KCNH5: variants seen among roughly 807,000 people sequenced by gnomAD.
KCNH5 encodes the protein potassium voltage-gated channel subfamily H member 5.
KCNH5 carries 46 observed loss-of-function variants against 96.1 expected under a neutral mutation model. That is an observed-to-expected ratio of 0.48 (90% confidence interval 0.38 to 0.61). KCNH5 has a LOEUF of 0.61. Among genes scored for constraint, KCNH5 ranks in the 20% least tolerant of loss-of-function variants. The pLI, the probability that KCNH5 is intolerant of heterozygous loss-of-function variation, is 0.00. For missense variants in KCNH5, 907 were observed against 1,225.8 expected, an observed-to-expected ratio of 0.74 and a Z score of 3.88; for synonymous variants, 439 against 449.8, an observed-to-expected ratio of 0.98 and a Z score of 0.30.
chr14:62,846,655 A>C (rs1197939703), intron 8 of KCNH5, among the ~76,000 whole-genome samples: 1 of 151,626 alleles, frequency 6.6e-6, no homozygotes, highest in Non-Finnish European at 1.5e-5. Context: ...TTCATTCTTT[A>C]ACTTATATTC....
intron 9 of KCNH5, among the ~76,000 whole-genome samples, chr14:62,782,213 G>A (rs1307617598): frequency 1.3e-5 from 2 of 152,148 alleles, no homozygotes; most frequent in South Asian, 2.1e-4. Flanking sequence ...GAGGTTGAGT[G>A]AGTGAGATTA....
chr14:62,745,573 G>C (rs1036875287), intron 10 of KCNH5, among the ~76,000 whole-genome samples: 18 of 152,094 alleles, frequency 1.2e-4, no homozygotes, highest in Non-Finnish European at 2.9e-5. Flanking sequence ...TAAGGACTTT[G>C]GTCAGAAGCC....
At position 62,985,283 on chromosome 14, in the gene KCNH5, T is replaced by C. The variant is rs35993154; in HGVS notation, c.549+1789A>G. Among the ~76,000 whole-genome samples the C allele has an allele frequency of 1.8e-3, 275 of 152,278 alleles. 1 individual carries two copies. Among genetic ancestry groups the C allele is most frequent in the African/African-American group, 6.5e-3 (269 of 41,562 alleles). On this transcript the variant is annotated intron_variant, in intron 5 of 10. Transcript: ENST00000322893. ...TCAAAGGATTCATCTTTCCCCAAGC[T>C]AACAGTGCTATTTAGAGCAGAAAAC...
chr14:62,730,405 T>C (rs918868110), intron 10 of KCNH5, among the ~76,000 whole-genome samples: 1 of 152,220 alleles, frequency 6.6e-6, no homozygotes, highest in Non-Finnish European at 1.5e-5. Context: ...ATTATTATCC[T>C]ACCTCCTTGG....
chr14:62,812,616 A>C (rs1246257327), intron 8 of KCNH5, among the ~76,000 whole-genome samples: 1 of 152,164 alleles, frequency 6.6e-6, no homozygotes, highest in Non-Finnish European at 1.5e-5. Context: ...ATTAACAGAG[A>C]AGGCAATAAA....
intron 10 of KCNH5, among the ~76,000 whole-genome samples, chr14:62,732,454 G>A (rs1595598176): frequency 6.6e-6 from 1 of 150,854 alleles, no homozygotes; most frequent in South Asian, 2.1e-4. Flanking sequence ...CACTTACCTC[G>A]GCTTTTAGCT....
intron 8 of KCNH5, among the ~76,000 whole-genome samples, chr14:62,831,739 C>G (rs947707694): frequency 1.3e-5 from 2 of 152,136 alleles, no homozygotes; most frequent in African/African-American, 4.8e-5. Context: ...GATACAATCT[C>G]ACTCTGTCAT....
intron 9 of KCNH5, among the ~76,000 whole-genome samples, chr14:62,789,372 A>C (rs183014390): frequency 2.6e-5 from 4 of 152,192 alleles, no homozygotes; most frequent in Non-Finnish European, 4.4e-5. Context: ...CCTATTGTGA[A>C]CAATACTGCA....
intron 10 of KCNH5, among the ~76,000 whole-genome samples, chr14:62,749,279 T>C (rs1411184613): frequency 1.3e-5 from 2 of 152,222 alleles, no homozygotes; most frequent in African/African-American, 4.8e-5. Flanking sequence ...AGGTCACTGA[T>C]TGGCTCACAG....
chr14:63,030,850 A>G (rs1891611637), intron 1 of KCNH5, among the ~76,000 whole-genome samples: 1 of 152,194 alleles, frequency 6.6e-6, no homozygotes, highest in Non-Finnish European at 1.5e-5. Flanking sequence ...GAATGTAAAA[A>G]TACAGACATA....
intron 7 of KCNH5, among the ~76,000 whole-genome samples, chr14:62,875,782 C>A (rs747649659): frequency 6.6e-6 from 1 of 152,094 alleles, no homozygotes; most frequent in East Asian, 1.9e-4. Flanking sequence ...TTTGGGAGGC[C>A]GAGGCAAGTG....
At chr14:62,919,677 C>T (rs940108880) in intron 7 of KCNH5, among the ~76,000 whole-genome samples, 4 of 152,184 alleles carry the variant, frequency 2.6e-5, no homozygotes, top group Admixed American at 6.6e-5. Flanking sequence ...TTATAGCTGA[C>T]ATCCTAGAAA....
chr14:62,970,181 A>G (rs1291579871), intron 6 of KCNH5, among the ~76,000 whole-genome samples: 1 of 152,060 alleles, frequency 6.6e-6, no homozygotes, highest in Non-Finnish European at 1.5e-5. Flanking sequence ...CATGAATACT[A>G]AAGGGATAAT....
chr14:62,807,448 T>A (rs955631272), intron 8 of KCNH5, among the ~76,000 whole-genome samples: 8 of 152,278 alleles, frequency 5.3e-5, no homozygotes, highest in Non-Finnish European at 1.0e-4. Flanking sequence ...TTAGTTCATG[T>A]AACTTTAGTA....
chr14:62,803,105 C>CG (rs1566665481), intron 8 of KCNH5, among the ~76,000 whole-genome samples: 1 of 152,106 alleles, frequency 6.6e-6, no homozygotes, highest in African/African-American at 2.4e-5. Context: ...GAGCCAAGGT[C>CG]GTGCCACTGC....
intron 10 of KCNH5, among the ~76,000 whole-genome samples, chr14:62,767,451 A>G (rs1885884501): frequency 6.6e-6 from 1 of 150,398 alleles, no homozygotes; most frequent in African/African-American, 2.4e-5. Context: ...AGACTAGATA[A>G]GGAAAATGGG....
At chr14:62,757,557 C>G (rs1885650003) in intron 10 of KCNH5, among the ~76,000 whole-genome samples, 1 of 150,906 alleles carries the variant, frequency 6.6e-6, no homozygotes. Flanking sequence ...CCATCAACAG[C>G]TGAATATAGA....
intron 6 of KCNH5, among the ~76,000 whole-genome samples, chr14:62,962,085 G>C (rs1478465956): frequency 1.3e-5 from 2 of 151,786 alleles, no homozygotes; most frequent in Admixed American, 6.6e-5. Flanking sequence ...TGGAGATGGA[G>C]ATGGATGTGC....
At chr14:62,713,543 A>G (rs1367565417) in intron 10 of KCNH5, among the ~76,000 whole-genome samples, 1 of 152,206 alleles carries the variant, frequency 6.6e-6, no homozygotes, top group East Asian at 1.9e-4. Context: ...TTTCTTTCCT[A>G]CTGCAAGGTA....
Sources: allele counts gnomAD v4.1 joint callset (sites outside exome capture counted in the v4.1 genomes callset), GRCh38; gene constraint gnomAD v4.1.1; transcripts MANE v1.5; gene names NCBI Gene and HGNC (gene_info 2026-07-23, HGNC 2026-07-21).